UBE3D: variants seen among roughly 807,000 people sequenced by gnomAD.
UBE3D encodes E3 ubiquitin-protein ligase E3D.
Under a neutral mutation model 49.6 loss-of-function variants are expected in UBE3D, and 48 were observed. The ratio of observed to expected loss-of-function variants is 0.97; its 90% CI spans 0.77 to 1.23. The LOEUF (loss-of-function observed/expected upper bound fraction) is 1.23. Ranked by LOEUF, UBE3D falls within the 50% of genes most tolerant of loss-of-function variation. The pLI is 0.00. For synonymous variants in UBE3D, 189 were observed against 174.2 expected (o/e 1.08, Z -0.67); for missense variants, 452 against 468.4 (o/e 0.96, Z 0.32).
At chr6:82,967,574 G>C (rs1777039605) in intron 8 of UBE3D, among the ~76,000 whole-genome samples, 1 of 152,020 alleles carries the variant, frequency 6.6e-6, no homozygotes, top group Admixed American at 6.6e-5. Context: ...ATAATATGTA[G>C]TCTTTTTTTA....
intron 9 of UBE3D, chr6:82,925,081 C>A (rs1243105963): frequency 6.5e-6 from 1 of 152,932 alleles, no homozygotes; most frequent in South Asian, 2.1e-4. Flanking sequence ...GAGACAGTCT[C>A]CAGCCATGGT....
intron 8 of UBE3D, among the ~76,000 whole-genome samples, chr6:82,995,875 T>C (rs1200445039): frequency 1.3e-5 from 2 of 152,128 alleles, no homozygotes; most frequent in African/African-American, 4.8e-5. Flanking sequence ...GAGACCAGCC[T>C]GGCCAACATG....
chr6:83,002,651 C>T (rs966419776), intron 8 of UBE3D, among the ~76,000 whole-genome samples: 4 of 152,256 alleles, frequency 2.6e-5, no homozygotes, highest in African/African-American at 9.6e-5. Flanking sequence ...CGCCATTGCA[C>T]TCCAGCCTGG....
intron 9 of UBE3D, among the ~76,000 whole-genome samples, chr6:82,913,649 G>C (rs893062272): frequency 2.0e-5 from 3 of 152,178 alleles, no homozygotes; most frequent in Non-Finnish European, 4.4e-5. Flanking sequence ...AATGAGTCAA[G>C]GGAAGGGAAG....
chr6:82,983,517 C>T (rs1778255353), intron 8 of UBE3D, among the ~76,000 whole-genome samples: 1 of 151,200 alleles, frequency 6.6e-6, no homozygotes, highest in African/African-American at 2.4e-5. Context: ...TACTTTTAGG[C>T]TTTTTCAGGG....
intron 8 of UBE3D, among the ~76,000 whole-genome samples, chr6:82,987,909 C>T (rs926713643): frequency 1.3e-5 from 2 of 152,138 alleles, no homozygotes; most frequent in Admixed American, 1.3e-4. Flanking sequence ...GAATAAATGA[C>T]ATGTGTCAAC....
chr6:83,009,606 TCA>T (rs1188934376), intron 8 of UBE3D, among the ~76,000 whole-genome samples: 1 of 145,486 alleles, frequency 6.9e-6, no homozygotes, highest in African/African-American at 2.5e-5. Context: ...AATACTATTC[TCA>T]CAGAGATTGA....
intron 9 of UBE3D, among the ~76,000 whole-genome samples, chr6:82,951,168 T>C (rs1185153083): frequency 6.6e-6 from 1 of 152,210 alleles, no homozygotes; most frequent in Non-Finnish European, 1.5e-5. Flanking sequence ...TTTACCCTTA[T>C]GTGCTTGTTA....
chr6:82,985,008 C>CTTCTTT (rs1778371059), intron 8 of UBE3D, among the ~76,000 whole-genome samples: 1 of 53,000 alleles, frequency 1.9e-5, no homozygotes, highest in Non-Finnish European at 3.3e-5. Context: ...TCTTCTTCTT[C>CTTCTTT]TTTTTTTTTT....
At chr6:83,060,771 G>A (rs191012633) in intron 1 of UBE3D, among the ~76,000 whole-genome samples, 9 of 152,234 alleles carry the variant, frequency 5.9e-5, no homozygotes, top group East Asian at 3.9e-4. Context: ...CAAAAAAGAC[G>A]CAGAAACCAT....
At chr6:82,969,786 T>C (rs954697612) in intron 8 of UBE3D, among the ~76,000 whole-genome samples, 2 of 152,142 alleles carry the variant, frequency 1.3e-5, no homozygotes, top group Non-Finnish European at 2.9e-5. Context: ...GTAATTTCAG[T>C]TAGAATCCCA....
chr6:83,050,267 C>T (rs535289898), intron 3 of UBE3D, among the ~76,000 whole-genome samples: 69 of 150,280 alleles, frequency 4.6e-4, no homozygotes, highest in Non-Finnish European at 6.6e-4. Context: ...AAAGAATAAG[C>T]ATTAGTCCCA....
chr6:83,030,824 T>C (rs773230776), intron 5 of UBE3D, among the ~76,000 whole-genome samples: 3 of 152,030 alleles, frequency 2.0e-5, no homozygotes, highest in Non-Finnish European at 4.4e-5. Flanking sequence ...ATGCTGATAG[T>C]GATATGGAAA....
chr6:82,947,193 A>G, intron 9 of UBE3D, among the ~76,000 whole-genome samples: 1 of 152,066 alleles, frequency 6.6e-6, no homozygotes, highest in Non-Finnish European at 1.5e-5. Flanking sequence ...AAAACTATAC[A>G]AAGAGACAAA....
Position 82,909,622 on chromosome 6 carries a change from T to G in UBE3D, c.1150-16580A>C, listed in dbSNP as rs890083135. On this transcript the variant is annotated intron_variant, in intron 9 of 9. Coordinates refer to ENST00000369747, the MANE Select transcript of UBE3D (RefSeq NM_198920.3). ...TTCTTTCCCTTTGTGCAAGGGTAGC[T>G]GCTTCAAATTTTGGGTGGGGCAAAT... Among the ~76,000 whole-genome samples, 3 of 152,324 alleles carry G rather than the reference T, an allele frequency of 2.0e-5. No homozygotes were observed. In the South Asian group the frequency reaches 6.2e-4, roughly 32 times the overall value.
At chr6:82,961,164 T>C (rs1452722529) in intron 8 of UBE3D, among the ~76,000 whole-genome samples, 1 of 152,210 alleles carries the variant, frequency 6.6e-6, no homozygotes, top group Admixed American at 6.5e-5. Context: ...TCATTTTCCA[T>C]TCCTCTTTGG....
At chr6:82,976,781 T>C (rs1777747560) in intron 8 of UBE3D, among the ~76,000 whole-genome samples, 1 of 152,126 alleles carries the variant, frequency 6.6e-6, no homozygotes, top group African/African-American at 2.4e-5. Context: ...AAGTGAAATA[T>C]TATTTCTAAT....
intron 8 of UBE3D, among the ~76,000 whole-genome samples, chr6:82,988,262 T>TCTAC (rs1029502437): frequency 7.0e-4 from 107 of 152,248 alleles, no homozygotes; most frequent in African/African-American, 2.4e-3. Flanking sequence ...TAAAACTCTA[T>TCTAC]CTACCTACCT....
intron 8 of UBE3D, among the ~76,000 whole-genome samples, chr6:83,001,939 T>G (rs968064321): frequency 1.3e-5 from 2 of 152,102 alleles, no homozygotes; most frequent in Non-Finnish European, 1.5e-5. Flanking sequence ...CTTAATTTTT[T>G]TTTTCAGCTG....
Sources: allele counts gnomAD v4.1 joint callset (sites outside exome capture counted in the v4.1 genomes callset), GRCh38; gene constraint gnomAD v4.1.1; transcripts MANE v1.5; gene names NCBI Gene and HGNC (gene_info 2026-07-23, HGNC 2026-07-21).